Variants in FARS2 observed in about 807,000 individuals in gnomAD.
FARS2 encodes phenylalanine--tRNA ligase, mitochondrial.
Under a neutral mutation model 46.4 loss-of-function variants are expected in FARS2, and 40 were observed. The observed-to-expected ratio is 0.86, with a 90% confidence interval of 0.67 to 1.12. The LOEUF is 1.12. Among genes scored for constraint, FARS2 ranks in the 50% most tolerant of loss-of-function variants. FARS2 has a pLI of 0.00. For synonymous variants in FARS2, 234 were observed against 214.9 expected (o/e 1.09, Z -0.78); for missense variants, 513 against 567.9 (o/e 0.90, Z 0.98).
intron 6 of FARS2, among the ~76,000 whole-genome samples, chr6:5,762,901 A>G (rs1270991633): frequency 1.3e-5 from 2 of 152,176 alleles, no homozygotes; most frequent in African/African-American, 4.8e-5. Flanking sequence ...TGGGGGAGGC[A>G]CCGCTCAGAA....
intron 6 of FARS2, among the ~76,000 whole-genome samples, chr6:5,712,766 A>T (rs1274967260): frequency 6.6e-6 from 1 of 152,180 alleles, no homozygotes; most frequent in Non-Finnish European, 1.5e-5. Context: ...AATCCTGAAC[A>T]GCTTGGCCTA....
At chr6:5,394,994 A>G (rs1168961082) in intron 2 of FARS2, among the ~76,000 whole-genome samples, 1 of 151,966 alleles carries the variant, frequency 6.6e-6, no homozygotes. Flanking sequence ...TAGTTTAGCC[A>G]GGCTTATTCT....
At chr6:5,620,191 C>G (rs1170814041) in intron 6 of FARS2, among the ~76,000 whole-genome samples, 1 of 152,026 alleles carries the variant, frequency 6.6e-6, no homozygotes, top group Admixed American at 6.6e-5. Context: ...AACAACCTTC[C>G]TACCGTGCAC....
chr6:5,473,533 C>CAAAAAAAAAAAAA (rs368264799), intron 4 of FARS2, among the ~76,000 whole-genome samples: 1 of 82,118 alleles, frequency 1.2e-5, no homozygotes, highest in Non-Finnish European at 2.8e-5. Context: ...TCTCAAAAAA[C>CAAAAAAAAAAAAA]AAAAAAAAAA....
rs529492813 is a variant in FARS2 at position 5,687,629 on chromosome 6, G to A, written c.1217+74309G>A. ...TTGCAGTATAGTTTGAAGTCAGGTA[G>A]GGTGATACCTCCAGCTTTGTTCTTT... On this transcript the variant is annotated intron_variant, in intron 6 of 6. Transcript: ENST00000274680. 2.0e-5 allele frequency among the ~76,000 whole-genome samples: 3 copies of A among 152,298 alleles called. No individual in the cohort carries two copies. The East Asian group carries it at 5.8e-4, about 29-fold the overall frequency.
intron 4 of FARS2, among the ~76,000 whole-genome samples, chr6:5,472,933 A>C (rs1306001347): frequency 6.6e-6 from 1 of 152,198 alleles, no homozygotes; most frequent in African/African-American, 2.4e-5. Flanking sequence ...GTCACACACA[A>C]AATTTTGTGC....
Position 5,444,190 on chromosome 6 carries a change from T to C in FARS2, c.904+13018T>C, listed in dbSNP as rs965804127. Among the ~76,000 whole-genome samples, 7 of 151,708 alleles carry C rather than the reference T, an allele frequency of 4.6e-5. No homozygotes were observed. In the East Asian group the frequency reaches 5.8e-4, roughly 13 times the overall value. ...ATCTTTTTAAAATTTTAGCGCAGGC[T>C]GGGTGCAATGGCTCAAGCCTGTAAT... On this transcript the variant is annotated intron_variant, in intron 4 of 6. Transcript: ENST00000274680.
Position 5,717,351 on chromosome 6 carries a change from A to ATGTGTGTGTGTGTG in FARS2, c.1218-53914_1218-53901dup, listed in dbSNP as rs58875741. On this transcript the variant is annotated intron_variant, in intron 6 of 6. Coordinates refer to ENST00000274680, the MANE Select transcript of FARS2 (RefSeq NM_006567.5). ...CGTGGATAGAAACATAGATATGTAT[A>ATGTGTGTGTGTGTG]TGTGTGTGTGTGTGTGTGTGTGTGT... Among the ~76,000 whole-genome samples, 796 of 141,724 alleles carry ATGTGTGTGTGTGTG rather than the reference A, an allele frequency of 5.6e-3. 4 individuals are homozygous for ATGTGTGTGTGTGTG. The highest frequency in any genetic ancestry group is 0.012 in the African/African-American group (464 of 37,874). 93.0% of individuals were successfully genotyped at this position (141,724 alleles called of 152,430 possible). A position where few individuals can be genotyped will look rare whatever the true frequency, so the allele number is the denominator to read the frequency against.
At chr6:5,771,012 C>T (rs1039284062) in intron 6 of FARS2, among the ~76,000 whole-genome samples, 1 of 152,160 alleles carries the variant, frequency 6.6e-6, no homozygotes, top group East Asian at 1.9e-4. Flanking sequence ...ATCTCCAGAG[C>T]GTGGCCTGGG....
intron 4 of FARS2, among the ~76,000 whole-genome samples, chr6:5,481,368 G>A (rs1468425978): frequency 2.0e-5 from 3 of 152,204 alleles, no homozygotes; most frequent in African/African-American, 7.2e-5. Flanking sequence ...GGCTGCCCAT[G>A]GTGTTGTGAA....
At chr6:5,405,480 C>CT (rs398000284) in intron 3 of FARS2, among the ~76,000 whole-genome samples, 4,850 of 58,942 alleles carry the variant, frequency 0.082, 764 homozygotes, top group East Asian at 0.11. Context: ...GAGCAAGGTT[C>CT]TTTTTTTTTT....
intron 4 of FARS2, among the ~76,000 whole-genome samples, chr6:5,439,183 C>A (rs1277911731): frequency 2.0e-5 from 3 of 152,182 alleles, no homozygotes; most frequent in African/African-American, 7.2e-5. Flanking sequence ...GATCTCAGTT[C>A]AGTTTTCTCA....
chr6:5,632,621 C>T (rs930687386), intron 6 of FARS2, among the ~76,000 whole-genome samples: 20 of 134,740 alleles, frequency 1.5e-4, no homozygotes, highest in African/African-American at 5.2e-4. Flanking sequence ...TTCCTTTCCT[C>T]CCTCCCTCCC....
chr6:5,695,714 T>A (rs1177509445), intron 6 of FARS2, among the ~76,000 whole-genome samples: 7 of 152,158 alleles, frequency 4.6e-5, no homozygotes, highest in Non-Finnish European at 1.0e-4. Flanking sequence ...CTTCCTTTCT[T>A]GGAAAAGTAA....
chr6:5,276,030 A>G (rs1243755950), intron 1 of FARS2, among the ~76,000 whole-genome samples: 4 of 152,170 alleles, frequency 2.6e-5, no homozygotes, highest in African/African-American at 9.7e-5. Flanking sequence ...TAGCTCTGTT[A>G]CTAGTCACAA....
chr6:5,396,319 A>T (rs1000400994), intron 2 of FARS2, among the ~76,000 whole-genome samples: 3 of 152,088 alleles, frequency 2.0e-5, no homozygotes, highest in Non-Finnish European at 4.4e-5. Context: ...GTTTAATTTC[A>T]CCGTTATATA....
intron 6 of FARS2, among the ~76,000 whole-genome samples, chr6:5,698,219 C>T (rs1758217887): frequency 6.6e-6 from 1 of 152,174 alleles, no homozygotes; most frequent in South Asian, 2.1e-4. Context: ...GCAGGCTGTA[C>T]AGGAAGTATC....
chr6:5,314,414 G>T (rs1479609026), intron 1 of FARS2, among the ~76,000 whole-genome samples: 1 of 152,136 alleles, frequency 6.6e-6, no homozygotes, highest in Non-Finnish European at 1.5e-5. Flanking sequence ...ATGATCCTGG[G>T]AGATTGTTTC....
intron 6 of FARS2, among the ~76,000 whole-genome samples, chr6:5,698,105 A>G (rs932759351): frequency 2.6e-5 from 4 of 152,220 alleles, no homozygotes; most frequent in Non-Finnish European, 5.9e-5. Flanking sequence ...GATTTAGGAA[A>G]TATCTTACTC....
Sources: allele counts gnomAD v4.1 joint callset (sites outside exome capture counted in the v4.1 genomes callset), GRCh38; gene constraint gnomAD v4.1.1; transcripts MANE v1.5; gene names NCBI Gene and HGNC (gene_info 2026-07-23, HGNC 2026-07-21).